The following FARS2 variants were observed in gnomAD, a reference collection of about 807,000 sequenced individuals.
The protein encoded by FARS2 is phenylalanine--tRNA ligase, mitochondrial.
FARS2 carries 40 observed loss-of-function variants against 46.4 expected under a neutral mutation model. That is an observed-to-expected ratio of 0.86 (90% CI 0.67 to 1.12). The LOEUF (loss-of-function observed/expected upper bound fraction) is 1.12, where lower values mean the gene tolerates loss of function less well. Ranked by LOEUF, FARS2 falls within the 50% of genes most tolerant of loss-of-function variation. The pLI is 0.00. For synonymous variants in FARS2, 234 were observed against 214.9 expected (o/e 1.09, Z -0.78); for missense variants, 513 against 567.9 (o/e 0.90, Z 0.98).
intron 4 of FARS2, among the ~76,000 whole-genome samples, chr6:5,493,965 G>A (rs147693871): frequency 6.6e-6 from 1 of 152,320 alleles, no homozygotes; most frequent in Non-Finnish European, 1.5e-5. Flanking sequence ...ACAGTGGACA[G>A]TGTCATGTGA....
intron 3 of FARS2, among the ~76,000 whole-genome samples, chr6:5,425,052 AGT>A (rs1762770413): frequency 6.6e-6 from 1 of 152,204 alleles, no homozygotes; most frequent in African/African-American, 2.4e-5. Flanking sequence ...CTGTTCAGAA[AGT>A]GTGAGTGGCA....
chr6:5,460,580 G>GTC (rs1366497975), intron 4 of FARS2, among the ~76,000 whole-genome samples: 4 of 152,150 alleles, frequency 2.6e-5, no homozygotes, highest in Non-Finnish European at 5.9e-5. Flanking sequence ...ATGGGAGGGA[G>GTC]TCAGGAGGCC....
At chr6:5,726,842 G>T (rs1460928197) in intron 6 of FARS2, among the ~76,000 whole-genome samples, 1 of 152,216 alleles carries the variant, frequency 6.6e-6, no homozygotes, top group Admixed American at 6.5e-5. Flanking sequence ...GAGACAGTGG[G>T]CCCTTCCCTT....
At position 5,723,981 on chromosome 6, in the gene FARS2, C is replaced by G. The variant is rs12206765; in HGVS notation, c.1218-47310C>G. ...CCTGCAGAGCGGTGGCCACGCTGGG[C>G]TGTCCACCGCACAGGGGCTGTCAGA... On this transcript the variant is annotated intron_variant, in intron 6 of 6. Transcript: ENST00000274680. Among the ~76,000 whole-genome samples the G allele has an allele frequency of 4.4e-4, 48 of 108,664 alleles. 1 individual carries two copies. The highest frequency in any genetic ancestry group is 3.0e-3 in the East Asian group (13 of 4,352). 71.3% of individuals were successfully genotyped at this position (108,664 alleles called of 152,430 possible).
At chr6:5,362,915 TTTTC>T (rs1331194004) in intron 1 of FARS2, among the ~76,000 whole-genome samples, 65 of 142,434 alleles carry the variant, frequency 4.6e-4, no homozygotes, top group Admixed American at 6.8e-4. Context: ...CTTTGCCCAT[TTTTC>T]TTTCTTTCTT....
intron 1 of FARS2, among the ~76,000 whole-genome samples, chr6:5,263,427 C>T (rs1187684583): frequency 1.3e-5 from 2 of 152,032 alleles, no homozygotes; most frequent in African/African-American, 4.8e-5. Context: ...AATGGTTTAC[C>T]AATGTGTTGG....
At position 5,446,054 on chromosome 6, in the gene FARS2, T is replaced by A. The variant is rs1037751855; in HGVS notation, c.904+14882T>A. Reference sequence around the variant, plus strand: ...CTCTACTAAAAGAAATACAAAAAAATTAGCCGGGCGTGGGGGCGGGCACCT... The same window carrying A: ...CTCTACTAAAAGAAATACAAAAAAAATAGCCGGGCGTGGGGGCGGGCACCT... On this transcript the variant is annotated intron_variant, in intron 4 of 6. Transcript: ENST00000274680. Among the ~76,000 whole-genome samples, 9 of 151,990 alleles carry A rather than the reference T, an allele frequency of 5.9e-5. No homozygotes were observed. The South Asian group carries it at 1.5e-3, about 25-fold the overall frequency.
At chr6:5,751,546 G>A (rs1354635785) in intron 6 of FARS2, among the ~76,000 whole-genome samples, 1 of 152,174 alleles carries the variant, frequency 6.6e-6, no homozygotes, top group Non-Finnish European at 1.5e-5. Flanking sequence ...AGCTTCTAGA[G>A]TAGAATATCT....
rs572398713 is a variant in FARS2 at position 5,422,716 on chromosome 6, T to G, written c.773-8325T>G. On this transcript the variant is annotated intron_variant, in intron 3 of 6. Coordinates refer to ENST00000274680, the MANE Select transcript of FARS2 (RefSeq NM_006567.5). ...AAGTGAGAGCAGGCATGGGACGTGT[T>G]TAGCACAGTGCCCAGCATATAGTAA... Among the ~76,000 whole-genome samples, 11 of 152,354 alleles carry G rather than the reference T, an allele frequency of 7.2e-5. No individual in the cohort carries two copies. The South Asian group carries it at 2.3e-3, about 32-fold the overall frequency.
At chr6:5,701,755 A>G (rs1379235456) in intron 6 of FARS2, among the ~76,000 whole-genome samples, 3 of 152,230 alleles carry the variant, frequency 2.0e-5, no homozygotes, top group African/African-American at 7.2e-5. Flanking sequence ...CGACTCTAAG[A>G]TAATGTTAGT....
At chr6:5,281,325 C>T (rs1026451470) in intron 1 of FARS2, among the ~76,000 whole-genome samples, 5 of 152,128 alleles carry the variant, frequency 3.3e-5, no homozygotes, top group African/African-American at 1.2e-4. Context: ...AAATAAACTG[C>T]TGTTCTTTCA....
At chr6:5,398,225 TGTG>T (rs1761024388) in intron 2 of FARS2, among the ~76,000 whole-genome samples, 1 of 152,220 alleles carries the variant, frequency 6.6e-6, no homozygotes, top group Non-Finnish European at 1.5e-5. Flanking sequence ...CAGAAATTAT[TGTG>T]GTGTTTGTCA....
chr6:5,379,278 A>G (rs1157243471), intron 2 of FARS2, among the ~76,000 whole-genome samples: 1 of 152,222 alleles, frequency 6.6e-6, no homozygotes, highest in Non-Finnish European at 1.5e-5. Flanking sequence ...TGTTAACTGC[A>G]TGGCAGCTCA....
Position 5,471,248 on chromosome 6 carries a change from C to T in FARS2, c.904+40076C>T, listed in dbSNP as rs940316330. Among the ~76,000 whole-genome samples the T allele has an allele frequency of 1.3e-5, 2 of 152,086 alleles. No homozygotes were observed. The highest frequency in any genetic ancestry group is 2.4e-5 in the African/African-American group (1 of 41,402). The stretch of plus-strand genomic sequence containing the variant: ...ATTGCACGTATTAATTAAGTCTTGC[C>T]GAGGCCTTGTTAGTGATCCGGTGCT... On this transcript the variant is annotated intron_variant, in intron 4 of 6. Coordinates refer to ENST00000274680, the MANE Select transcript of FARS2 (RefSeq NM_006567.5). The surrounding 1 kb of genome is among the most constrained non-coding windows in gnomAD (Gnocchi z 4.1).
chr6:5,665,843 T>C (rs115115602), intron 6 of FARS2, among the ~76,000 whole-genome samples: 2,068 of 152,320 alleles, frequency 0.014, 17 homozygotes, highest in Non-Finnish European at 0.022. Context: ...TACTACCAAC[T>C]ACTGGGCAGC....
At chr6:5,674,443 G>T (rs1778651754) in intron 6 of FARS2, among the ~76,000 whole-genome samples, 1 of 152,158 alleles carries the variant, frequency 6.6e-6, no homozygotes, top group Non-Finnish European at 1.5e-5. Context: ...GTTCCAGCTG[G>T]CCACACTGTA....
intron 6 of FARS2, among the ~76,000 whole-genome samples, chr6:5,741,353 A>G (rs1352675910): frequency 6.6e-6 from 1 of 152,222 alleles, no homozygotes; most frequent in Admixed American, 6.5e-5. Flanking sequence ...TTGGTCATGC[A>G]ACAGCTTCGC....
At chr6:5,400,427 G>A (rs1761186931) in intron 2 of FARS2, among the ~76,000 whole-genome samples, 2 of 151,846 alleles carry the variant, frequency 1.3e-5, no homozygotes, top group African/African-American at 4.8e-5. Flanking sequence ...TTATGTGTGT[G>A]TGTGTTTGTA....
chr6:5,563,882 G>A (rs906718096), intron 5 of FARS2, among the ~76,000 whole-genome samples: 9 of 152,130 alleles, frequency 5.9e-5, no homozygotes, highest in Admixed American at 5.9e-4. Context: ...CAGGGCTGAG[G>A]CCGGCATTTT....
Sources: gnomAD v4.1 joint callset for allele counts (sites outside exome capture counted in the v4.1 genomes callset) on GRCh38, gnomAD v4.1.1 for gene constraint, Gnocchi (gnomAD v3.1) non-coding constraint, MANE v1.5 for transcripts, NCBI Gene and HGNC (gene_info 2026-07-23, HGNC 2026-07-21) for gene names.